The following TBC1D15 variants were observed in gnomAD, a reference collection of about 807,000 sequenced individuals.
TBC1D15 encodes the protein TBC1 domain family member 15.
Under a neutral mutation model 95.4 loss-of-function variants are expected in TBC1D15, and 39 were observed. The observed-to-expected ratio is 0.41, with a 90% confidence interval of 0.32 to 0.53. The LOEUF is 0.53. Among genes scored for constraint, TBC1D15 ranks in the 20% least tolerant of loss-of-function variants. TBC1D15 has a pLI of 0.29. For missense variants in TBC1D15, 733 were observed against 794.3 expected (o/e 0.92, Z 0.93); for synonymous variants, 258 against 261.3 (o/e 0.99, Z 0.12).
intron 5 of TBC1D15, among the ~76,000 whole-genome samples, chr12:71,886,284 T>G (rs748344317): frequency 2.0e-5 from 3 of 152,190 alleles, no homozygotes; most frequent in Non-Finnish European, 4.4e-5. Flanking sequence ...TTCTCCTACC[T>G]TAGCCTCCTG....
chr12:71,849,633 A>G (rs1293649327), intron 1 of TBC1D15: 1 of 588,268 alleles, frequency 1.7e-6, no homozygotes, highest in East Asian at 3.6e-5. Flanking sequence ...TGCATTGGAG[A>G]CATCGTCAGC....
rs191245480 is a variant in TBC1D15 at position 71,849,551 on chromosome 12, G to A, written c.30+9740G>A. On this transcript the variant is annotated intron_variant, in intron 1 of 16. Coordinates refer to ENST00000485960, the MANE Select transcript of TBC1D15 (RefSeq NM_001146213.3). ...GCTGTAGATTCAACTTCATTATCAC[G>A]TTACAGTGGCTGTCCAGATTGATGA... is the stretch of plus-strand genomic sequence containing the variant. 1,862 of 710,566 alleles carry A rather than the reference G, an allele frequency of 2.6e-3. 2 individuals carry two copies. The highest frequency in any genetic ancestry group is 4.0e-3 in the Non-Finnish European group (1,515 of 379,122). The allele number at this position is 710,566 out of a possible 1,614,324, so 44.0% of individuals were successfully genotyped here.
chr12:71,913,766 A>G (rs979852553), intron 11 of TBC1D15, 60 bp from the exon 12 acceptor site: 25 of 1,185,818 alleles, frequency 2.1e-5, no homozygotes, highest in Non-Finnish European at 2.7e-5. Context: ...GATATGCACA[A>G]CTTGCAGAAG....
chr12:71,873,063 C>A, intron 3 of TBC1D15, 60 bp downstream of exon 3: 2 of 1,169,084 alleles, frequency 1.7e-6, no homozygotes, highest in South Asian at 1.4e-5. Context: ...CAGTATTATC[C>A]ATATATAATT....
chr12:71,879,263 G>T (rs1265669655), intron 3 of TBC1D15, among the ~76,000 whole-genome samples: 1 of 151,990 alleles, frequency 6.6e-6, no homozygotes, highest in African/African-American at 2.4e-5. Flanking sequence ...CTCTCGAGTA[G>T]CTGGGATTAC....
At chr12:71,850,205 G>A (rs1303570743) in intron 1 of TBC1D15, 1 of 572,596 alleles carries the variant, frequency 1.7e-6, no homozygotes, top group Non-Finnish European at 3.4e-6. Context: ...TCTCTGGCTT[G>A]AAGACCTAAC....
intron 11 of TBC1D15, among the ~76,000 whole-genome samples, chr12:71,911,710 A>G (rs1173004349): frequency 7.4e-6 from 1 of 135,556 alleles, no homozygotes; most frequent in Non-Finnish European, 1.7e-5. Context: ...CCAGCATGGC[A>G]CATGTATACA....
chr12:71,855,758 T>G (rs1888910654), intron 1 of TBC1D15, among the ~76,000 whole-genome samples: 1 of 151,116 alleles, frequency 6.6e-6, no homozygotes, highest in East Asian at 2.0e-4. Flanking sequence ...GAAACAGTTA[T>G]CCTAACTTTT....
At chr12:71,902,755 G>A (rs543794199) in intron 10 of TBC1D15, among the ~76,000 whole-genome samples, 1 of 152,266 alleles carries the variant, frequency 6.6e-6, no homozygotes, top group East Asian at 1.9e-4. Flanking sequence ...CTTGTGTACA[G>A]CAAAAGAAAC....
At position 71,884,819 on chromosome 12, in the gene TBC1D15, A is replaced by G. The variant is rs769996453; in HGVS notation, c.352A>G (p.Ser118Gly). The G allele has an allele frequency of 4.3e-6, 7 of 1,613,946 alleles. No individual in the cohort carries two copies. Among genetic ancestry groups the G allele is most frequent in the East Asian group, 2.2e-5 (1 of 44,852 alleles). The change falls in exon 5 of 17, where the codon AGT becomes GGT. Residue 118 changes from serine (S) to glycine (G), a missense_variant. Physicochemically the swap from Ser to Gly is moderately conservative, Grantham distance 56 (BLOSUM62 0). Coordinates refer to ENST00000485960, the MANE Select transcript of TBC1D15 (RefSeq NM_001146213.3). ...ACTTTCTTGTTTTTAAGATGCTCCA[A>G]GTCATAGAAATGGGAAAAGCAAATG... ...RKPHTNGDAP[S>G]HRNGKSKWSF...
At chr12:71,870,639 C>T (rs1051186851) in intron 1 of TBC1D15, among the ~76,000 whole-genome samples, 2 of 152,178 alleles carry the variant, frequency 1.3e-5, no homozygotes, top group Non-Finnish European at 2.9e-5. Flanking sequence ...TGTTGTCAGA[C>T]TCCTTGGGTT....
At chr12:71,860,295 C>T (rs187290367) in intron 1 of TBC1D15, among the ~76,000 whole-genome samples, 1 of 152,178 alleles carries the variant, frequency 6.6e-6, no homozygotes, top group Admixed American at 6.5e-5. Context: ...GGAAGGTTGT[C>T]ATTGGTATTT....
chr12:71,922,861 T>G (rs950999918), intron 16 of TBC1D15, 122 bp from the exon 17 acceptor site: 1 of 933,612 alleles, frequency 1.1e-6, no homozygotes, highest in Non-Finnish European at 1.6e-6. Flanking sequence ...TACATGACAT[T>G]TACACTGTTA....
rs1328575625 is a variant in TBC1D15 at position 71,888,224 on chromosome 12, C to T, written c.554+3203C>T. ...TGGGGATGGGCACACTGGCCTATGC[C>T]TGTAATCCCAGCACTTTGGGAGGCT... On this transcript the variant is annotated intron_variant, in intron 5 of 16. Coordinates refer to ENST00000485960, the MANE Select transcript of TBC1D15 (RefSeq NM_001146213.3). 3.3e-5 allele frequency among the ~76,000 whole-genome samples: 5 copies of T among 152,156 alleles called. No homozygotes were observed. In the East Asian group the frequency reaches 9.6e-4, roughly 29 times the overall value.
Position 71,880,582 on chromosome 12 carries a change from T to C in TBC1D15, c.318T>C (p.Phe106=). 2 of 1,611,152 alleles carry C rather than the reference T, an allele frequency of 1.2e-6. No individual in the cohort carries two copies. Among genetic ancestry groups the C allele is most frequent in the East Asian group, 4.5e-5 (2 of 44,804 alleles). Residue 106 remains phenylalanine, a synonymous_variant, in exon 4 of 17, where the codon TTT becomes TTC. Coordinates refer to ENST00000485960, the MANE Select transcript of TBC1D15 (RefSeq NM_001146213.3). ...GGGACATGGTTAATACAGTTTCATT[T>C]AAAAGGAAACCACATACCAATGGAG... is the stretch of plus-strand genomic sequence containing the variant. ...AEWDMVNTVS[F]KRKPHTNGDA... is the part of the protein sequence containing the mutation.
intron 1 of TBC1D15, among the ~76,000 whole-genome samples, chr12:71,847,216 T>TC: frequency 6.6e-6 from 1 of 152,302 alleles, no homozygotes; most frequent in Non-Finnish European, 1.5e-5. Context: ...GTACCATCAC[T>TC]CCATGTGTCC....
chr12:71,903,778 C>T (rs977614771), intron 10 of TBC1D15, among the ~76,000 whole-genome samples: 1 of 152,176 alleles, frequency 6.6e-6, no homozygotes, highest in African/African-American at 2.4e-5. Context: ...ACCACATGTT[C>T]TCACTACAAG....
chr12:71,909,769 G>A (rs1028043092), intron 11 of TBC1D15, among the ~76,000 whole-genome samples: 1 of 152,090 alleles, frequency 6.6e-6, no homozygotes, highest in Non-Finnish European at 1.5e-5. Context: ...ATTTGCTATG[G>A]AAGTAATTTT....
At chr12:71,870,552 TTAACA>T (rs1490428216) in intron 1 of TBC1D15, among the ~76,000 whole-genome samples, 4 of 152,232 alleles carry the variant, frequency 2.6e-5, no homozygotes, top group Non-Finnish European at 5.9e-5. Context: ...TCACAGTTGA[TTAACA>T]TAACACATCC....
Sources: gnomAD v4.1 joint callset for allele counts (sites outside exome capture counted in the v4.1 genomes callset) on GRCh38, gnomAD v4.1.1 for gene constraint, MANE v1.5 for transcripts, NCBI Gene and HGNC (gene_info 2026-07-23, HGNC 2026-07-21) for gene names.